TNR: variants seen among roughly 807,000 people sequenced by gnomAD.
TNR encodes tenascin-R.
Under a neutral mutation model 150.4 loss-of-function variants are expected in TNR, and 45 were observed. That is an observed-to-expected ratio of 0.30 (90% CI 0.24 to 0.38). The LOEUF is 0.38. Ranked by LOEUF, TNR falls within the 10% of genes least tolerant of loss-of-function variation. The pLI, the probability that TNR is intolerant of heterozygous loss-of-function variation, is 1.00. For missense variants in TNR, 1,544 were observed against 1,759.1 expected (o/e 0.88, Z 2.19); for synonymous variants, 687 against 678.4 (o/e 1.01, Z -0.20).
intron 1 of TNR, among the ~76,000 whole-genome samples, chr1:175,733,793 G>T (rs1667703770): frequency 6.6e-6 from 1 of 152,052 alleles, no homozygotes; most frequent in South Asian, 2.1e-4. Context: ...TGAAACTTAA[G>T]CCCTTGGCAT....
chr1:175,327,799 C>A (rs908079711), intron 21 of TNR, among the ~76,000 whole-genome samples: 1 of 152,236 alleles, frequency 6.6e-6, no homozygotes, highest in East Asian at 1.9e-4. Flanking sequence ...TCCTCTTCCA[C>A]AAACACCCCT....
intron 20 of TNR, among the ~76,000 whole-genome samples, chr1:175,332,998 A>G (rs1362027585): frequency 6.6e-6 from 1 of 152,184 alleles, no homozygotes; most frequent in Non-Finnish European, 1.5e-5. Flanking sequence ...CCTGATCCTA[A>G]CCTTCACTCA....
chr1:175,716,294 G>A (rs899899725), intron 1 of TNR, among the ~76,000 whole-genome samples: 1 of 152,074 alleles, frequency 6.6e-6, no homozygotes, highest in Admixed American at 6.5e-5. Flanking sequence ...GACTTGCTGG[G>A]CATTCCTGTC....
chr1:175,541,791 C>T (rs1660509709), intron 1 of TNR, among the ~76,000 whole-genome samples: 1 of 152,138 alleles, frequency 6.6e-6, no homozygotes, highest in Admixed American at 6.5e-5. Context: ...CCACCCCTGG[C>T]TCTATGAAAC....
At chr1:175,710,312 C>G (rs1444389120) in intron 1 of TNR, among the ~76,000 whole-genome samples, 2 of 152,066 alleles carry the variant, frequency 1.3e-5, no homozygotes, top group Non-Finnish European at 2.9e-5. Flanking sequence ...CCTGGCTGGA[C>G]AGTGAAGCCT....
At chr1:175,434,061 G>C (rs1398034072) in intron 2 of TNR, among the ~76,000 whole-genome samples, 1 of 152,132 alleles carries the variant, frequency 6.6e-6, no homozygotes, top group Admixed American at 6.5e-5. Flanking sequence ...AAATTTTCTT[G>C]CAAAGTGTCT....
intron 1 of TNR, among the ~76,000 whole-genome samples, chr1:175,634,151 G>C (rs1202889873): frequency 2.0e-5 from 3 of 152,168 alleles, no homozygotes; most frequent in Non-Finnish European, 4.4e-5. Flanking sequence ...TTTGAAAAAC[G>C]TTTGCTGTTT....
At chr1:175,362,596 G>A (rs1017072283) in intron 14 of TNR, 67 bp downstream of exon 14, 1 of 1,574,700 alleles carries the variant, frequency 6.4e-7, no homozygotes, top group African/African-American at 1.3e-5. Flanking sequence ...CTTTCTACAA[G>A]CCCGAACAAC....
At chr1:175,474,389 A>T (rs1375512028) in intron 2 of TNR, among the ~76,000 whole-genome samples, 5 of 152,208 alleles carry the variant, frequency 3.3e-5, no homozygotes, top group African/African-American at 1.2e-4. Flanking sequence ...ACAGTGAGCC[A>T]GCCATGTGAA....
At chr1:175,658,909 T>G (rs561223046) in intron 1 of TNR, among the ~76,000 whole-genome samples, 1 of 152,312 alleles carries the variant, frequency 6.6e-6, no homozygotes, top group Non-Finnish European at 1.5e-5. Flanking sequence ...TGCTGTGCTT[T>G]CACATCGATG....
intron 18 of TNR, among the ~76,000 whole-genome samples, chr1:175,339,307 C>CA (rs890153851): frequency 3.9e-5 from 6 of 152,032 alleles, no homozygotes; most frequent in Non-Finnish European, 7.4e-5. Flanking sequence ...ATCTTACAAG[C>CA]AAAAAAACCC....
rs1651816077 is a variant in TNR at position 175,365,874 on chromosome 1, C to T, written c.2317+1G>A. 6.2e-7 allele frequency: 1 copy of T among 1,612,898 alleles called. No homozygotes were observed. The highest frequency in any genetic ancestry group is 1.3e-5 in the African/African-American group (1 of 74,904). On this transcript the variant is annotated splice_donor_variant, in intron 11 of 22. Coordinates refer to ENST00000367674, the MANE Select transcript of TNR (RefSeq NM_003285.3). LOFTEE classifies it high-confidence loss of function. ...GGCTGGGATTTCTGCTGCTCTGGTA[C>T]CTGTGAAAGCATCCACAGTGGACTC...
intron 1 of TNR, among the ~76,000 whole-genome samples, chr1:175,715,647 G>A (rs887171365): frequency 6.6e-6 from 1 of 152,212 alleles, no homozygotes; most frequent in Non-Finnish European, 1.5e-5. Context: ...ATGATGCTGG[G>A]ATGTCATAAG....
intron 1 of TNR, among the ~76,000 whole-genome samples, chr1:175,717,525 A>C (rs1407279547): frequency 1.3e-5 from 2 of 152,232 alleles, no homozygotes; most frequent in African/African-American, 2.4e-5. Context: ...TGGCTTGGAC[A>C]AATTAAGTGC....
At chr1:175,666,101 A>G (rs564842274) in intron 1 of TNR, among the ~76,000 whole-genome samples, 58 of 152,358 alleles carry the variant, frequency 3.8e-4, no homozygotes, top group African/African-American at 1.3e-3. Flanking sequence ...TGTTAGATAC[A>G]TGACTAAACT....
intron 1 of TNR, among the ~76,000 whole-genome samples, chr1:175,535,447 TTTG>T (rs138597544): frequency 0.57 from 83,653 of 148,054 alleles, 23,451 homozygotes; most frequent in East Asian, 0.67. Flanking sequence ...TTATTTATTT[TTTG>T]TTGTTGTTGT....
At chr1:175,627,526 T>G (rs1482857993) in intron 1 of TNR, among the ~76,000 whole-genome samples, 2 of 152,196 alleles carry the variant, frequency 1.3e-5, no homozygotes, top group African/African-American at 4.8e-5. Flanking sequence ...TATGTGATTT[T>G]GAACCACAAA....
chr1:175,526,942 C>G (rs1453737970), intron 2 of TNR, among the ~76,000 whole-genome samples: 1 of 152,244 alleles, frequency 6.6e-6, no homozygotes, highest in Non-Finnish European at 1.5e-5. Flanking sequence ...ATGTGACAGG[C>G]TTGGCCGGGA....
At chr1:175,460,304 C>T (rs924654596) in intron 2 of TNR, among the ~76,000 whole-genome samples, 2 of 152,182 alleles carry the variant, frequency 1.3e-5, no homozygotes, top group South Asian at 2.1e-4. Flanking sequence ...CTTCTGCTAG[C>T]TTCTTTAACA....
Sources: allele counts gnomAD v4.1 joint callset (sites outside exome capture counted in the v4.1 genomes callset), GRCh38; gene constraint gnomAD v4.1.1; transcripts MANE v1.5; gene names NCBI Gene and HGNC (gene_info 2026-07-23, HGNC 2026-07-21).